Variants in SULT1C3 observed in about 807,000 individuals in gnomAD.
SULT1C3 encodes sulfotransferase 1C3.
In SULT1C3, 31 loss-of-function variants were observed where a neutral mutation model predicts 28.4. The ratio of observed to expected loss-of-function variants is 1.09; its 90% CI spans 0.82 to 1.47. The LOEUF is 1.47. Ranked by LOEUF, SULT1C3 falls within the 40% of genes most tolerant of loss-of-function variation. The probability of loss-of-function intolerance (pLI) is 0.00; values close to 1 mark genes in which losing one functional copy is unlikely to be tolerated. For missense variants in SULT1C3, 307 were observed against 272.5 expected (o/e 1.13, Z -0.89); for synonymous variants, 106 against 92.2 (o/e 1.15, Z -0.86).
chr2:108,253,990 G>T (rs1188392731), intron 4 of SULT1C3, among the ~76,000 whole-genome samples: 1 of 151,800 alleles, frequency 6.6e-6, no homozygotes, highest in Non-Finnish European at 1.5e-5. Context: ...ACTACCACCT[G>T]TACCCAACTC....
chr2:108,247,214 A>C lies in SULT1C3; in HGVS notation c.20A>C (p.Asn7Thr). 1 of 1,528,790 alleles carries C rather than the reference A, an allele frequency of 6.5e-7. No individual in the cohort carries two copies. The highest frequency in any genetic ancestry group is 8.8e-7 in the Non-Finnish European group (1 of 1,134,856). The allele number at this position is 1,528,790 out of a possible 1,614,324, so 94.7% of individuals were successfully genotyped here. ...TTCCCAATGGCGAAGATTGAGAAAA[A>C]CGCTCCCACGATGGAAAAAAAGCCA... MAKIEK[N>T]APTMEKKPEL... The change falls in exon 2 of 8, where the codon AAC (asparagine) becomes ACC (threonine). Residue 7 changes from asparagine (N) to threonine (T), a missense_variant. By Grantham distance (65) the Asn-to-Thr change is moderately conservative. Coordinates refer to ENST00000681802, the MANE Select transcript of SULT1C3 (RefSeq NM_001320878.2).
downstream of SULT1C3, among the ~76,000 whole-genome samples, chr2:108,263,186 G>A (rs1390365480): frequency 6.6e-6 from 1 of 151,836 alleles, no homozygotes; most frequent in Non-Finnish European, 1.5e-5. Flanking sequence ...TGGAGGCCTG[G>A]GGAGTTTCTT....
At chr2:108,265,223 T>C, downstream of SULT1C3, 1 of 1,607,980 alleles carries the variant, frequency 6.2e-7, no homozygotes, top group South Asian at 1.1e-5. Context: ...ATCATTAAGA[T>C]TTTGCCTTGT....
At chr2:108,254,645 A>G (rs1182702077) in intron 4 of SULT1C3, among the ~76,000 whole-genome samples, 2 of 151,556 alleles carry the variant, frequency 1.3e-5, no homozygotes, top group Admixed American at 6.6e-5. Flanking sequence ...TGAATTTCCA[A>G]TCATCACATC....
chr2:108,258,907 A>G, intron 6 of SULT1C3, 59 bp from the exon 7 acceptor site: 2 of 1,141,718 alleles, frequency 1.8e-6, no homozygotes, highest in Non-Finnish European at 2.6e-6. Context: ...TGTGTCTTTA[A>G]TTGGCCAAGT....
chr2:108,252,042 A>T (rs1438085648), intron 2 of SULT1C3, among the ~76,000 whole-genome samples: 1 of 151,784 alleles, frequency 6.6e-6, no homozygotes, highest in African/African-American at 2.4e-5. Flanking sequence ...ATACTAAAAG[A>T]TGATAGATAG....
intron 5 of SULT1C3, 93 bp downstream of exon 5, chr2:108,255,791 T>A: frequency 1.4e-6 from 2 of 1,460,784 alleles, no homozygotes. Flanking sequence ...CAAAAGGCCA[T>A]CCTGATTGAG....
intron 1 of SULT1C3, among the ~76,000 whole-genome samples, chr2:108,245,530 T>G (rs1313368537): frequency 4.6e-5 from 7 of 152,132 alleles, no homozygotes. Context: ...AACACGGGAA[T>G]TGAATGGCCA....
rs1558666155 is a variant in SULT1C3, at chr2:108,258,637, T to TAA, written c.527-96_527-95insAA. On this transcript the variant is annotated intron_variant, in intron 5 of 7. Transcript: ENST00000681802. ...CCACTTCGTTAAGGAACCAGAACGA[T>TAA]AGTTACAGAAGCTTATTTCAAAGGA... 3.2e-5 allele frequency: 27 copies of TAA among 854,688 alleles called. No individual in the cohort carries two copies. In the African/African-American group the frequency reaches 4.6e-4, roughly 15 times the overall value. The allele number at this position is 854,688 out of a possible 1,614,324, so 52.9% of individuals were successfully genotyped here.
downstream of SULT1C3, among the ~76,000 whole-genome samples, chr2:108,264,328 T>C (rs185427365): frequency 3.3e-5 from 5 of 152,368 alleles, no homozygotes; most frequent in East Asian, 9.6e-4. Context: ...TCTATGCTTC[T>C]GGGTCAACTT....
rs779993854 is a variant in SULT1C3 at position 108,247,287 on chromosome 2, A to T, written c.93A>T (p.Leu31Phe). 8.7e-6 allele frequency: 14 copies of T among 1,600,250 alleles called. No homozygotes were observed. The highest frequency in any genetic ancestry group is 1.3e-5 in the African/African-American group (1 of 74,458). ...TAGATGGAGTCCCTACGTTGATATTATCAAAAGAATGGTGGGAAAAAGTAT... is the reference window on the plus strand; with the variant it reads ...TAGATGGAGTCCCTACGTTGATATTTTCAAAAGAATGGTGGGAAAAAGTAT... ...MEVDGVPTLI[L>F]SKEWWEKVCN... Residue 31 changes from leucine to phenylalanine, a missense_variant, in exon 2 of 8, where the codon TTA (leucine) becomes TTT (phenylalanine). Transcript: ENST00000681802.
At chr2:108,243,267 C>T (rs1488533171) in intron 1 of SULT1C3, among the ~76,000 whole-genome samples, 1 of 152,160 alleles carries the variant, frequency 6.6e-6, no homozygotes, top group Non-Finnish European at 1.5e-5. Flanking sequence ...GGACAGGCTT[C>T]ACCAACTTTG....
chr2:108,265,143 TG>T (rs1187863334), downstream of SULT1C3: 3 of 1,436,784 alleles, frequency 2.1e-6, no homozygotes, highest in African/African-American at 2.9e-5. Flanking sequence ...AGAGGCAAGT[TG>T]CCTGTTTCTC....
In SULT1C3 at chr2:108,250,603, C is replaced by T. The variant is rs1352028475; in HGVS notation, c.173-1762C>T. ...TGTTCATATAAAAACTTGTACACAA[C>T]ACTATAGCAGACTTATTCAAAATTA... is the stretch of plus-strand genomic sequence containing the variant. On this transcript the variant is annotated intron_variant, in intron 2 of 7. Transcript: ENST00000681802. Among the ~76,000 whole-genome samples, 4 of 140,642 alleles carry T rather than the reference C, an allele frequency of 2.8e-5. No homozygotes were observed. In the East Asian group the frequency reaches 6.3e-4, roughly 22 times the overall value. 92.3% of individuals were successfully genotyped at this position (140,642 alleles called of 152,430 possible). A position where few individuals can be genotyped will look rare whatever the true frequency, so the allele number is the denominator to read the frequency against.
At position 108,258,706 on chromosome 2, in the gene SULT1C3, G is replaced by A; in HGVS notation, c.527-28G>A. 6 of 1,576,304 alleles carry A rather than the reference G, an allele frequency of 3.8e-6. No individual in the cohort carries two copies. In the Middle Eastern group the frequency reaches 5.0e-4, roughly 133 times the overall value. Reference sequence around the variant, plus strand: ...GCCTTGGGTTTTGTCCCAGTACTGGGAACTAACAGTGCTCTGACTTCTTCC... The same window carrying A: ...GCCTTGGGTTTTGTCCCAGTACTGGAAACTAACAGTGCTCTGACTTCTTCC... On this transcript the variant is annotated intron_variant, in intron 5 of 7. Coordinates refer to ENST00000681802, the MANE Select transcript of SULT1C3 (RefSeq NM_001320878.2).
At position 108,256,021 on chromosome 2, in the gene SULT1C3, A is replaced by T. The variant is rs575615452; in HGVS notation, c.526+323A>T. On this transcript the variant is annotated intron_variant, in intron 5 of 7. Coordinates refer to ENST00000681802, the MANE Select transcript of SULT1C3 (RefSeq NM_001320878.2). The stretch of plus-strand genomic sequence containing the variant: ...CCTGGCAGTGGGAAGGCATGAGATG[A>T]TATCCTGCGGTTTCATCTTGCAGTG... Among the ~76,000 whole-genome samples the T allele has an allele frequency of 3.0e-4, 46 of 152,144 alleles. No individual in the cohort carries two copies. In the South Asian group the frequency reaches 9.3e-3, roughly 31 times the overall value.
intron 4 of SULT1C3, 132 bp from the exon 5 acceptor site, chr2:108,255,440 T>G (rs1675842891): frequency 9.1e-7 from 1 of 1,095,228 alleles, no homozygotes; most frequent in East Asian, 2.7e-5. Flanking sequence ...TTTAATGTTT[T>G]AATTCATAAC....
At chr2:108,263,182 C>A (rs1019906676), downstream of SULT1C3, among the ~76,000 whole-genome samples, 3 of 151,884 alleles carry the variant, frequency 2.0e-5, no homozygotes, top group Admixed American at 6.6e-5. Context: ...TTTGTGGAGG[C>A]CTGGGGAGTT....
Position 108,247,377 on chromosome 2 carries a change from C to A in SULT1C3, c.172+11C>A. 1 of 1,516,632 alleles carries A rather than the reference C, an allele frequency of 6.6e-7. No individual in the cohort carries two copies. The highest frequency in any genetic ancestry group is 8.9e-7 in the Non-Finnish European group (1 of 1,128,906). 93.9% of individuals were successfully genotyped at this position (1,516,632 alleles called of 1,614,324 possible). A position where few individuals can be genotyped will look rare whatever the true frequency, so the allele number is the denominator to read the frequency against. ...CTTACCCAAAGTCAGGTAAGGGTAG[C>A]AAAACATAAAAATATTCAATATTTT... On this transcript the variant is annotated intron_variant, in intron 2 of 7. Coordinates refer to ENST00000681802, the MANE Select transcript of SULT1C3 (RefSeq NM_001320878.2).
Sources: allele counts gnomAD v4.1 joint callset (sites outside exome capture counted in the v4.1 genomes callset), GRCh38; gene constraint gnomAD v4.1.1; transcripts MANE v1.5; gene names NCBI Gene and HGNC (gene_info 2026-07-23, HGNC 2026-07-21).